TMOD3: variants seen among roughly 807,000 people sequenced by gnomAD.
The protein encoded by TMOD3 is tropomodulin 3, also known as tropomodulin-3.
Under a neutral mutation model 39.2 loss-of-function variants are expected in TMOD3, and 20 were observed. That is an observed-to-expected ratio of 0.51 (90% confidence interval 0.36 to 0.74). The LOEUF is 0.74. Ranked by LOEUF, TMOD3 falls within the 30% of genes least tolerant of loss-of-function variation. The pLI is 0.00. For missense variants in TMOD3, 381 were observed against 412.8 expected (o/e 0.92, Z 0.67); for synonymous variants, 143 against 145.8 (o/e 0.98, Z 0.14).
intron 9 of TMOD3, 151 bp downstream of exon 9, chr15:51,902,187 C>G: frequency 1.2e-6 from 1 of 864,688 alleles, no homozygotes; most frequent in Non-Finnish European, 1.7e-6. Context: ...TGATTGAATT[C>G]AAGTTCAATT....
intron 9 of TMOD3, 84 bp from the exon 10 acceptor site, chr15:51,908,692 G>A: frequency 9.7e-7 from 1 of 1,030,878 alleles, no homozygotes; most frequent in Non-Finnish European, 1.4e-6. Context: ...ACTGGATTAT[G>A]CAGAAACTTG....
intron 1 of TMOD3, among the ~76,000 whole-genome samples, chr15:51,845,406 C>G (rs562485875): frequency 3.3e-5 from 5 of 152,174 alleles, no homozygotes; most frequent in African/African-American, 9.7e-5. Context: ...TCCATAGATC[C>G]GCTCACCCTC....
intron 1 of TMOD3, among the ~76,000 whole-genome samples, chr15:51,848,452 T>C (rs1056799578): frequency 5.9e-5 from 9 of 152,180 alleles, no homozygotes; most frequent in African/African-American, 2.2e-4. Flanking sequence ...AACTCAACCT[T>C]AACATTAAAT....
In TMOD3 at chr15:51,869,249, G is replaced by A; in HGVS notation, c.159G>A (p.Lys53=). 6.2e-7 allele frequency: 1 copy of A among 1,613,982 alleles called. No individual in the cohort carries two copies. The highest frequency in any genetic ancestry group is 8.5e-7 in the Non-Finnish European group (1 of 1,179,962). ...NALLPAGFRQ[K]NQTSKSTTGP... ...TTCTGCCTGCAGGGTTCCGGCAGAA[G>A]AACCAGACATCAAAGTCCACCACAG... is the stretch of plus-strand genomic sequence containing the variant. The change falls in exon 3 of 10, where the codon AAG becomes AAA. Residue 53 remains lysine, a synonymous_variant. Coordinates refer to ENST00000308580, the MANE Select transcript of TMOD3 (RefSeq NM_014547.5).
At chr15:51,876,686 C>T (rs541800768) in intron 3 of TMOD3, among the ~76,000 whole-genome samples, 122 of 152,080 alleles carry the variant, frequency 8.0e-4, no homozygotes, top group Middle Eastern at 3.4e-3. Context: ...TGGTCTCAAT[C>T]TCCTGACCTC....
Position 51,900,162 on chromosome 15 carries a change from C to T in TMOD3, c.743C>T (p.Ala248Val). ...RSNDPVATAF[A>V]EMLKVNKTLK... is the part of the protein sequence containing the mutation. Reference sequence around the variant, plus strand: ...ATTTTCTCTAATTTCTAGGCTTTTGCAGAAATGCTGAAAGTGAACAAAACT... The same window carrying T: ...ATTTTCTCTAATTTCTAGGCTTTTGTAGAAATGCTGAAAGTGAACAAAACT... Residue 248 changes from alanine (A) to valine (V), a missense_variant, in exon 8 of 10, where the codon GCA (alanine) becomes GTA (valine). Ala to Val is a moderately conservative substitution (Grantham distance 64). Transcript: ENST00000308580. 1 of 1,613,730 alleles carries T rather than the reference C, an allele frequency of 6.2e-7. No individual in the cohort carries two copies. Among genetic ancestry groups the T allele is most frequent in the South Asian group, 1.1e-5 (1 of 90,994 alleles).
In TMOD3 at chr15:51,900,137, A is replaced by G. The variant is rs761939926; in HGVS notation, c.736-18A>G. ...CTGTATCAAATTTTAATCTCTTAATATTTTCTCTAATTTCTAGGCTTTTGC... is the reference window on the plus strand; with the variant it reads ...CTGTATCAAATTTTAATCTCTTAATGTTTTCTCTAATTTCTAGGCTTTTGC... On this transcript the variant is annotated intron_variant, in intron 7 of 9. Transcript: ENST00000308580. The G allele has an allele frequency of 4.3e-6, 7 of 1,612,622 alleles. No homozygotes were observed. Among genetic ancestry groups the G allele is most frequent in the South Asian group, 1.1e-5 (1 of 90,908 alleles).
At chr15:51,853,790 T>TAAAA (rs74342679) in intron 1 of TMOD3, among the ~76,000 whole-genome samples, 6 of 126,510 alleles carry the variant, frequency 4.7e-5, no homozygotes, top group African/African-American at 1.7e-4. Context: ...CACTGTCTCT[T>TAAAA]AAAAAAAAAA....
intron 1 of TMOD3, chr15:51,861,050 A>T: frequency 2.8e-6 from 2 of 707,002 alleles, no homozygotes; most frequent in South Asian, 2.8e-5. Flanking sequence ...TCTCAATCTC[A>T]TCCTTCTTAA....
intron 6 of TMOD3, among the ~76,000 whole-genome samples, chr15:51,894,158 A>G (rs1206160046): frequency 6.6e-6 from 1 of 152,250 alleles, no homozygotes; most frequent in African/African-American, 2.4e-5. Context: ...TTTATCATCT[A>G]AAAATGTAAA....
Position 51,914,233 on chromosome 15 carries a change from T to C in TMOD3, c.*5423T>C, listed in dbSNP as rs1451530942. 6.6e-6 allele frequency: 1 copy of C among 152,140 alleles called. No individual in the cohort carries two copies. The highest frequency in any genetic ancestry group is 2.4e-5 in the African/African-American group (1 of 41,388). The allele number at this position is 152,140 out of a possible 1,614,324, so 9.4% of individuals were successfully genotyped here. The stretch of plus-strand genomic sequence containing the variant: ...CTGGGAGGTTGAAGCAGCAGTGAGC[T>C]TTGATCATGCCACTGCATTCCAGCC... On this transcript the variant is annotated 3_prime_UTR_variant, in exon 10 of 10. Coordinates refer to ENST00000308580, the MANE Select transcript of TMOD3 (RefSeq NM_014547.5).
intron 1 of TMOD3, among the ~76,000 whole-genome samples, chr15:51,846,584 A>C (rs2056337197): frequency 6.6e-6 from 1 of 152,156 alleles, no homozygotes; most frequent in Non-Finnish European, 1.5e-5. Flanking sequence ...GAGAAAGAAA[A>C]CTCTCAGATT....
chr15:51,836,291 A>C (rs148844685), intron 1 of TMOD3, among the ~76,000 whole-genome samples: 1 of 152,182 alleles, frequency 6.6e-6, no homozygotes, highest in East Asian at 1.9e-4. Context: ...GTTACTACCT[A>C]ATTCCTCCCA....
intron 3 of TMOD3, among the ~76,000 whole-genome samples, chr15:51,881,086 T>C (rs1296869232): frequency 6.6e-6 from 1 of 152,204 alleles, no homozygotes; most frequent in Non-Finnish European, 1.5e-5. Flanking sequence ...TTTTCATGTA[T>C]TGTTAGACTC....
At chr15:51,841,245 C>A (rs1279293889) in intron 1 of TMOD3, among the ~76,000 whole-genome samples, 3 of 152,088 alleles carry the variant, frequency 2.0e-5, no homozygotes, top group Non-Finnish European at 4.4e-5. Context: ...GACATGATCC[C>A]TTTATTCTGA....
intron 3 of TMOD3, chr15:51,874,898 T>A (rs1046360776): frequency 2.2e-4 from 33 of 152,352 alleles, no homozygotes; most frequent in African/African-American, 7.7e-4. Flanking sequence ...ACCGCACTCC[T>A]TTTCTTCCTG....
intron 1 of TMOD3, among the ~76,000 whole-genome samples, chr15:51,832,738 A>G (rs555352129): frequency 1.3e-5 from 2 of 152,302 alleles, no homozygotes; most frequent in East Asian, 3.9e-4. Flanking sequence ...CTTTGCGGAT[A>G]AAAGTATACC....
At chr15:51,855,460 A>G (rs141067791) in intron 1 of TMOD3, among the ~76,000 whole-genome samples, 2 of 152,402 alleles carry the variant, frequency 1.3e-5, no homozygotes, top group East Asian at 3.9e-4. Context: ...TGAACATATC[A>G]GAATTCCAAA....
intron 1 of TMOD3, among the ~76,000 whole-genome samples, chr15:51,841,542 C>G (rs78075261): frequency 0.015 from 2,343 of 152,236 alleles, 85 homozygotes; most frequent in Admixed American, 0.075. Flanking sequence ...CCAAAGCAGA[C>G]CTTATGTCCT....
Sources: gnomAD v4.1 joint callset for allele counts (sites outside exome capture counted in the v4.1 genomes callset) on GRCh38, gnomAD v4.1.1 for gene constraint, MANE v1.5 for transcripts, NCBI Gene and HGNC (gene_info 2026-07-23, HGNC 2026-07-21) for gene names.